The following PHEX variants were observed in gnomAD, a reference collection of about 807,000 sequenced individuals.
PHEX encodes phosphate-regulating neutral endopeptidase PHEX.
PHEX carries 16 observed loss-of-function variants against 68.0 expected under a neutral mutation model. The observed-to-expected ratio is 0.24, with a 90% CI of 0.16 to 0.36. The LOEUF is 0.36. Among genes scored for constraint, PHEX ranks in the 10% least tolerant of loss-of-function variants. PHEX has a pLI of 1.00. For synonymous variants in PHEX, 208 were observed against 205.1 expected (o/e 1.01, Z -0.12); for missense variants, 480 against 575.5 (o/e 0.83, Z 1.70).
intron 15 of PHEX, among the ~76,000 whole-genome samples, chrX:22,205,703 T>A (rs1018803097): frequency 4.5e-5 from 5 of 110,002 alleles, no homozygotes; most frequent in Non-Finnish European, 7.6e-5. Flanking sequence ...TATTAATATT[T>A]AAAAAACTTC....
At position 22,205,124 on chromosome X, in the gene PHEX, T is replaced by G. The variant is rs368520030; in HGVS notation, c.1646-7780T>G. On this transcript the variant is annotated intron_variant, in intron 15 of 21. Transcript: ENST00000379374. Reference sequence around the variant, plus strand: ...CACACTTAATGAAAAAACCCAAGTATATTTCTGGAGAAAGCAGCTACAGCA... The same window carrying G: ...CACACTTAATGAAAAAACCCAAGTAGATTTCTGGAGAAAGCAGCTACAGCA... Among the ~76,000 whole-genome samples the G allele has an allele frequency of 1.1e-4, 12 of 112,437 alleles. No homozygotes were observed. The East Asian group carries it at 2.2e-3, about 21-fold the overall frequency.
intron 15 of PHEX, among the ~76,000 whole-genome samples, chrX:22,192,830 A>G (rs998339660): frequency 8.9e-6 from 1 of 111,877 alleles, no homozygotes; most frequent in African/African-American, 3.2e-5. Flanking sequence ...GTCAGAGGAC[A>G]GCCGGAAGGC....
chrX:22,117,763 G>A (rs1290425905), intron 11 of PHEX, among the ~76,000 whole-genome samples: 1 of 111,049 alleles, frequency 9.0e-6, no homozygotes, highest in Non-Finnish European at 1.9e-5. Flanking sequence ...TGATGTACGT[G>A]GGGGTAGTTT....
intron 11 of PHEX, among the ~76,000 whole-genome samples, chrX:22,132,605 G>A (rs12687509): frequency 0.21 from 22,959 of 110,998 alleles, 2,147 homozygotes; most frequent in Middle Eastern, 0.33. Flanking sequence ...CTCCCTGCCC[G>A]TTTCTCTGTG....
intron 9 of PHEX, among the ~76,000 whole-genome samples, chrX:22,102,036 T>C (rs1432847432): frequency 8.9e-6 from 1 of 111,830 alleles, no homozygotes; most frequent in East Asian, 2.8e-4. Flanking sequence ...AAATGGGGTA[T>C]CTATCCCCTC....
intron 18 of PHEX, among the ~76,000 whole-genome samples, chrX:22,225,182 G>T (rs1446862658): frequency 1.9e-5 from 2 of 108,040 alleles, no homozygotes; most frequent in Middle Eastern, 4.3e-3. Context: ...TTCTCATGTT[G>T]CATCACTCTG....
intron 3 of PHEX, 39 bp downstream of exon 3, chrX:22,047,250 G>A: frequency 9.1e-7 from 1 of 1,095,932 alleles, no homozygotes; most frequent in Non-Finnish European, 1.3e-6. Context: ...ACTTTATAGA[G>A]AGCAATATTT....
At chrX:22,061,590 T>C (rs1185280013) in intron 3 of PHEX, among the ~76,000 whole-genome samples, 3 of 111,360 alleles carry the variant, frequency 2.7e-5, no homozygotes, top group Admixed American at 1.9e-4. Context: ...TATCATTAGT[T>C]ATCATTTATT....
chrX:22,198,589 A>AGGCGCAGATATGGCAGAACAT (rs1424594913), intron 15 of PHEX, among the ~76,000 whole-genome samples: 3 of 111,421 alleles, frequency 2.7e-5, no homozygotes, highest in African/African-American at 9.8e-5. Flanking sequence ...TTTGGTGCAA[A>AGGCGCAGATATGGCAGAACAT]GGCGCAGATA....
chrX:22,081,675 C>G (rs747535136), intron 5 of PHEX, among the ~76,000 whole-genome samples: 5 of 111,236 alleles, frequency 4.5e-5, no homozygotes, highest in Non-Finnish European at 9.4e-5. Flanking sequence ...GTTTGGCCAG[C>G]AGGGGTCGCT....
intron 20 of PHEX, among the ~76,000 whole-genome samples, chrX:22,229,765 T>C (rs1363723293): frequency 8.9e-6 from 1 of 112,460 alleles, no homozygotes; most frequent in African/African-American, 3.2e-5. Context: ...TTTGTCAATT[T>C]TGGCTTTTGT....
chrX:22,230,934 A>T (rs112253754), intron 20 of PHEX, among the ~76,000 whole-genome samples: 4,103 of 111,442 alleles, frequency 0.037, 158 homozygotes, highest in East Asian at 0.22. Context: ...TAGCTCTTCC[A>T]ATTTTGAGAT....
intron 20 of PHEX, among the ~76,000 whole-genome samples, chrX:22,235,161 C>A: frequency 8.9e-6 from 1 of 111,767 alleles, no homozygotes; most frequent in East Asian, 2.8e-4. Context: ...GTGGCCTGCA[C>A]CCACTGTCCA....
At chrX:22,168,917 CT>C (rs1451680317) in intron 13 of PHEX, among the ~76,000 whole-genome samples, 1 of 111,241 alleles carries the variant, frequency 9.0e-6, no homozygotes, top group African/African-American at 3.3e-5. Flanking sequence ...GGTCATAATT[CT>C]TTTTTATTTC....
intron 15 of PHEX, among the ~76,000 whole-genome samples, chrX:22,209,486 G>A (rs1010353915): frequency 2.9e-4 from 31 of 106,187 alleles, no homozygotes; most frequent in African/African-American, 1.0e-3. Flanking sequence ...TTTCCATATC[G>A]CCACATAGTT....
In PHEX at chrX:22,249,455, A is replaced by AAAAATATGT; in HGVS notation, c.*1503_*1504insAAATATGTA. On this transcript the variant is annotated 3_prime_UTR_variant, in exon 22 of 22. Transcript: ENST00000379374. The stretch of plus-strand genomic sequence containing the variant: ...TTGTGATTCTTTTAAAAAAAAAAAA[A>AAAAATATGT]ATATATATATATATATATATATATA... 2.5e-5 allele frequency: 1 copy of AAAAATATGT among 39,764 alleles called. No homozygotes were observed. The allele number at this position is 39,764 out of a possible 1,213,427, so 3.3% of individuals were successfully genotyped here. A position where few individuals can be genotyped will look rare whatever the true frequency, so the allele number is the denominator to read the frequency against.
chrX:22,109,854 G>T (rs1320389420), intron 9 of PHEX, among the ~76,000 whole-genome samples: 1 of 111,883 alleles, frequency 8.9e-6, no homozygotes, highest in Non-Finnish European at 1.9e-5. Flanking sequence ...GAGCTTATGA[G>T]GTTGTTCATA....
chrX:22,076,529 C>A, intron 4 of PHEX, 55 bp downstream of exon 4: 2 of 761,659 alleles, frequency 2.6e-6, no homozygotes, highest in Non-Finnish European at 2.0e-6. Context: ...CTTTAGAGTT[C>A]TATTAATGTT....
chrX:22,217,450 GACAA>G (rs774516070), intron 16 of PHEX, among the ~76,000 whole-genome samples: 1 of 112,194 alleles, frequency 8.9e-6, no homozygotes, highest in East Asian at 2.8e-4. Context: ...GTGTAGTTGA[GACAA>G]ACAGTTAGCA....
Sources: gnomAD v4.1 joint callset for allele counts (sites outside exome capture counted in the v4.1 genomes callset) on GRCh38, gnomAD v4.1.1 for gene constraint, MANE v1.5 for transcripts, NCBI Gene and HGNC (gene_info 2026-07-23, HGNC 2026-07-21) for gene names.